The following MYO6 variants were observed in gnomAD, a reference collection of about 807,000 sequenced individuals.
MYO6 encodes myosin VI, also known as unconventional myosin-VI.
In MYO6, 74 loss-of-function variants were observed where a neutral mutation model predicts 178.7. That is an observed-to-expected ratio of 0.41 (90% CI 0.34 to 0.50). The LOEUF (loss-of-function observed/expected upper bound fraction) is 0.50. Among genes scored for constraint, MYO6 ranks in the 20% least tolerant of loss-of-function variants. The probability of loss-of-function intolerance (pLI) is 0.09; values close to 1 mark genes in which losing one functional copy is unlikely to be tolerated. For synonymous variants in MYO6, 477 were observed against 504.6 expected (o/e 0.95, Z 0.73); for missense variants, 1,330 against 1,547.4 (o/e 0.86, Z 2.36).
At chr6:75,900,740 A>G (rs1779699486) in intron 30 of MYO6, among the ~76,000 whole-genome samples, 1 of 151,916 alleles carries the variant, frequency 6.6e-6, no homozygotes, top group Non-Finnish European at 1.5e-5. Flanking sequence ...TAGTTTAATT[A>G]GATCCCATTT....
chr6:75,911,825 T>G, intron 33 of MYO6, 127 bp downstream of exon 33: 1 of 838,308 alleles, frequency 1.2e-6, no homozygotes, highest in African/African-American at 1.7e-5. Context: ...TTAAAGTTGT[T>G]ATATCCATAC....
At chr6:75,765,103 G>A (rs1778291628) in intron 1 of MYO6, among the ~76,000 whole-genome samples, 2 of 144,500 alleles carry the variant, frequency 1.4e-5, no homozygotes, top group African/African-American at 5.1e-5. Flanking sequence ...CATTTTTCCT[G>A]TCAATATTGT....
chr6:75,774,145 C>T (rs1305545717), intron 1 of MYO6, among the ~76,000 whole-genome samples: 1 of 152,068 alleles, frequency 6.6e-6, no homozygotes, highest in African/African-American at 2.4e-5. Flanking sequence ...AATGAATGTT[C>T]ATTCATAGTC....
chr6:75,773,775 T>C (rs1256947643), intron 1 of MYO6, among the ~76,000 whole-genome samples: 3 of 152,180 alleles, frequency 2.0e-5, no homozygotes, highest in Non-Finnish European at 4.4e-5. Context: ...GGCAAAACAT[T>C]AGGATGGGTG....
Position 75,918,494 on chromosome 6 carries a change from T to C in MYO6, c.*3482T>C, listed in dbSNP as rs1483972643. ...AATTTATAGGATCAGAACGTATGGT[T>C]ATTAAAACTTGGATCAAGATATGCC... On this transcript the variant is annotated 3_prime_UTR_variant, in exon 35 of 35. Transcript: ENST00000369977. 6.6e-6 allele frequency: 1 copy of C among 152,244 alleles called. No homozygotes were observed. Among genetic ancestry groups the C allele is most frequent in the Admixed American group, 6.5e-5 (1 of 15,284 alleles). The allele number at this position is 152,244 out of a possible 1,614,324, so 9.4% of individuals were successfully genotyped here.
chr6:75,839,932 A>T (rs1774050179), intron 7 of MYO6, among the ~76,000 whole-genome samples: 1 of 151,914 alleles, frequency 6.6e-6, no homozygotes, highest in African/African-American at 2.4e-5. Context: ...TGTGGGCCTG[A>T]TATACTAGAT....
intron 18 of MYO6, among the ~76,000 whole-genome samples, chr6:75,870,092 C>T (rs913767165): frequency 8.6e-5 from 13 of 150,376 alleles, no homozygotes; most frequent in African/African-American, 2.7e-4. Context: ...CTAGCCTGGG[C>T]GACAGAGCAA....
At chr6:75,881,386 A>G (rs1177174581) in intron 22 of MYO6, among the ~76,000 whole-genome samples, 1 of 151,902 alleles carries the variant, frequency 6.6e-6, no homozygotes, top group Non-Finnish European at 1.5e-5. Flanking sequence ...TTTTCTTAAT[A>G]AAGTCTTCTC....
intron 1 of MYO6, among the ~76,000 whole-genome samples, chr6:75,806,261 C>T (rs1375332802): frequency 6.6e-6 from 1 of 151,738 alleles, no homozygotes. Flanking sequence ...GTGGCACATG[C>T]TTGTAGTTCC....
At chr6:75,914,362 TA>T in intron 34 of MYO6, 81 bp downstream of exon 34, 1 of 1,329,752 alleles carries the variant, frequency 7.5e-7, no homozygotes. Context: ...TAATGTATAA[TA>T]TAATAATTTA....
intron 11 of MYO6, among the ~76,000 whole-genome samples, chr6:75,852,504 C>A (rs1349121722): frequency 6.6e-6 from 1 of 152,134 alleles, no homozygotes; most frequent in East Asian, 1.9e-4. Context: ...AGCAGTCACT[C>A]CTCATTGCCC....
At chr6:75,907,125 G>A (rs1780387394) in intron 30 of MYO6, among the ~76,000 whole-genome samples, 1 of 152,180 alleles carries the variant, frequency 6.6e-6, no homozygotes, top group South Asian at 2.1e-4. Context: ...GCCACTGTGT[G>A]TGAATGGAGT....
Position 75,855,021 on chromosome 6 carries a change from A to T in MYO6, c.1079-118A>T, listed in dbSNP as rs184024763. ...AAAGTGAGGTAGATTTAAAAGTTAC[A>T]AATAAGCCTTGCCTATTATATGGTT... On this transcript the variant is annotated intron_variant, in intron 11 of 34. Coordinates refer to ENST00000369977, the MANE Select transcript of MYO6 (RefSeq NM_004999.4). The T allele has an allele frequency of 1.7e-5, 15 of 905,736 alleles. No individual in the cohort carries two copies. The East Asian group carries it at 3.2e-4, about 19-fold the overall frequency. The allele number at this position is 905,736 out of a possible 1,614,324, so 56.1% of individuals were successfully genotyped here.
rs1325710928 is a variant in MYO6, at chr6:75,886,929, C to A, written c.2593C>A (p.Pro865Thr). The stretch of plus-strand genomic sequence containing the variant: ...AGTCAGTGTGTTGAAAGATGGAAAA[C>A]CCGAGATGAATAAACAGATCAAGAA... ...EVVSVLKDGK[P>T]EMNKQIKNLE... Residue 865 changes from proline to threonine, a missense_variant, in exon 25 of 35, where the codon CCC (proline) becomes ACC (threonine). Pro to Thr is a conservative substitution (Grantham distance 38, BLOSUM62 -1). Coordinates refer to ENST00000369977, the MANE Select transcript of MYO6 (RefSeq NM_004999.4). The A allele has an allele frequency of 1.9e-6, 3 of 1,613,568 alleles. No individual in the cohort carries two copies. The highest frequency in any genetic ancestry group is 1.7e-4 in the Middle Eastern group (1 of 6,058).
At chr6:75,810,221 C>T (rs553072794) in intron 1 of MYO6, among the ~76,000 whole-genome samples, 2 of 152,068 alleles carry the variant, frequency 1.3e-5, no homozygotes, top group African/African-American at 4.8e-5. Flanking sequence ...TAGGTAATCT[C>T]GCCCAGATCC....
intron 20 of MYO6, among the ~76,000 whole-genome samples, chr6:75,877,467 A>T (rs1777655906): frequency 6.6e-6 from 1 of 151,302 alleles, no homozygotes; most frequent in African/African-American, 2.4e-5. Flanking sequence ...GAATTTCACC[A>T]TGTTGGCCAG....
At chr6:75,822,970 T>C in intron 3 of MYO6, 119 bp downstream of exon 3, 1 of 789,850 alleles carries the variant, frequency 1.3e-6, no homozygotes, top group South Asian at 1.5e-5. Flanking sequence ...TCTAGTCTTT[T>C]GACATGAATA....
chr6:75,758,440 T>G (rs1160636538), intron 1 of MYO6, among the ~76,000 whole-genome samples: 2 of 152,062 alleles, frequency 1.3e-5, no homozygotes, highest in East Asian at 3.9e-4. Flanking sequence ...TAAATTAGAT[T>G]GTAATGACTG....
intron 25 of MYO6, among the ~76,000 whole-genome samples, chr6:75,888,979 TC>T (rs1229059627): frequency 6.6e-6 from 1 of 152,230 alleles, no homozygotes; most frequent in Non-Finnish European, 1.5e-5. Context: ...TAATTATATT[TC>T]ATATTTCATT....
Sources: gnomAD v4.1 joint callset for allele counts (sites outside exome capture counted in the v4.1 genomes callset) on GRCh38, gnomAD v4.1.1 for gene constraint, MANE v1.5 for transcripts, NCBI Gene and HGNC (gene_info 2026-07-23, HGNC 2026-07-21) for gene names.